Variants in CCDC57 observed in about 807,000 individuals in gnomAD.
The protein encoded by CCDC57 is coiled-coil domain-containing protein 57.
In CCDC57, 118 loss-of-function variants were observed where a neutral mutation model predicts 118.9. The observed-to-expected ratio is 0.99, with a 90% CI of 0.86 to 1.16. The LOEUF is 1.16. Ranked by LOEUF, CCDC57 falls within the 50% of genes most tolerant of loss-of-function variation. CCDC57 has a pLI of 0.00. For missense variants in CCDC57, 1,300 were observed against 1,320.7 expected, an observed-to-expected ratio of 0.98 and a Z score of 0.24; for synonymous variants, 527 against 532.9, an observed-to-expected ratio of 0.99 and a Z score of 0.15.
chr17:82,140,794 C>T (rs770488827), intron 16 of CCDC57, among the ~76,000 whole-genome samples: 2 of 152,050 alleles, frequency 1.3e-5, no homozygotes, highest in Non-Finnish European at 2.9e-5. Context: ...AAGGAGAACC[C>T]GGCACAGCGC....
At chr17:82,114,889 C>A (rs1568150190) in intron 19 of CCDC57, among the ~76,000 whole-genome samples, 1 of 152,248 alleles carries the variant, frequency 6.6e-6, no homozygotes, top group African/African-American at 2.4e-5. Context: ...AACAGGATTT[C>A]CAGCCTCTCT....
chr17:82,155,925 C>T (rs1489130539), intron 15 of CCDC57: 1 of 152,230 alleles, frequency 6.6e-6, no homozygotes, highest in Non-Finnish European at 1.5e-5. Flanking sequence ...TATGCCCCGC[C>T]TGTGCCTTAG....
chr17:82,143,472 ACACACACACAGG>A (rs76112596), intron 16 of CCDC57, among the ~76,000 whole-genome samples: 6 of 44,858 alleles, frequency 1.3e-4, no homozygotes, highest in Admixed American at 3.4e-4. Flanking sequence ...GGGTGCTCTT[ACACACACACAGG>A]CACACACACA....
At chr17:82,125,276 G>A (rs556123544) in intron 19 of CCDC57, among the ~76,000 whole-genome samples, 62 of 152,196 alleles carry the variant, frequency 4.1e-4, no homozygotes, top group East Asian at 2.7e-3. Flanking sequence ...GGTGACTCAC[G>A]CCTGCAGTCT....
rs960561349 is a variant in CCDC57 at position 82,109,304 on chromosome 17, A to G, written c.2900-7438T>C. Among the ~76,000 whole-genome samples the G allele has an allele frequency of 4.6e-5, 7 of 152,370 alleles. No individual in the cohort carries two copies. In the South Asian group the frequency reaches 1.0e-3, roughly 23 times the overall value. On this transcript the variant is annotated intron_variant, in intron 19 of 19. Transcript: ENST00000665763. ...TGGAGCGCATGCCTGCGAGGGGCCT[A>G]CGAGGCGGCTGCGAGGCATAAGGTT... is the stretch of plus-strand genomic sequence containing the variant.
chr17:82,157,735 A>G lies in CCDC57; in HGVS notation c.2241+13T>C. The G allele has an allele frequency of 1.9e-6, 3 of 1,572,418 alleles. No homozygotes were observed. The highest frequency in any genetic ancestry group is 2.6e-6 in the Non-Finnish European group (3 of 1,161,750). Reference sequence around the variant, plus strand: ...ACCTCGGCGGGTGGCAGGAGGAGCTAGCGGGCACCCACCTCTCTCCCAAGG... The same window carrying G: ...ACCTCGGCGGGTGGCAGGAGGAGCTGGCGGGCACCCACCTCTCTCCCAAGG... On this transcript the variant is annotated intron_variant, in intron 15 of 19. Coordinates refer to ENST00000665763, the Ensembl canonical transcript of CCDC57.
Position 82,117,946 on chromosome 17 carries a change from C to T in CCDC57, c.2899+9746G>A, listed in dbSNP as rs545749177. ...AGCCTCTGTGAGCACGCAGGGCACACGCACAGGAGGTTCACTCTCTTAAGA... is the reference window on the plus strand; with the variant it reads ...AGCCTCTGTGAGCACGCAGGGCACATGCACAGGAGGTTCACTCTCTTAAGA... On this transcript the variant is annotated intron_variant, in intron 19 of 19. Transcript: ENST00000665763. Among the ~76,000 whole-genome samples, 33 of 152,262 alleles carry T rather than the reference C, an allele frequency of 2.2e-4. No homozygotes were observed. In the South Asian group the frequency reaches 6.6e-3, roughly 31 times the overall value.
intron 9 of CCDC57, among the ~76,000 whole-genome samples, 181 bp from the exon 9 acceptor site, chr17:82,179,370 C>G (rs368085039): frequency 6.6e-6 from 1 of 152,206 alleles, no homozygotes; most frequent in Non-Finnish European, 1.5e-5. Context: ...AATACAAAGA[C>G]GAGCAGGCGC....
rs1290089710 is a variant in CCDC57, at chr17:82,118,370, G to A, written c.2899+9322C>T. Reference sequence around the variant, plus strand: ...CCCGATGTGGGTGTTATCCATTAGCGCAGGACTGAAACCTGATGTGTTATT... The same window carrying A: ...CCCGATGTGGGTGTTATCCATTAGCACAGGACTGAAACCTGATGTGTTATT... On this transcript the variant is annotated intron_variant, in intron 19 of 19. Coordinates refer to ENST00000665763, the Ensembl canonical transcript of CCDC57. This position sits in a 1 kb window ranked among gnomAD's most constrained non-coding sequence, Gnocchi z 4.7. 2.6e-5 allele frequency among the ~76,000 whole-genome samples: 4 copies of A among 152,140 alleles called. No individual in the cohort carries two copies. The highest frequency in any genetic ancestry group is 3.8e-4 in the East Asian group (2 of 5,196).
At chr17:82,185,987 A>G (rs2046877274) in intron 8 of CCDC57, among the ~76,000 whole-genome samples, 1 of 152,130 alleles carries the variant, frequency 6.6e-6, no homozygotes, top group Admixed American at 6.5e-5. Flanking sequence ...ATAGGTGAGC[A>G]CCACCGTACC....
intron 8 of CCDC57, among the ~76,000 whole-genome samples, chr17:82,187,992 A>G (rs1159550603): frequency 2.6e-5 from 4 of 151,942 alleles, no homozygotes; most frequent in African/African-American, 4.8e-5. Context: ...ATATCTTACT[A>G]TAAATAGATG....
intron 13 of CCDC57, among the ~76,000 whole-genome samples, chr17:82,169,976 C>T (rs1489218310): frequency 6.6e-6 from 1 of 152,016 alleles, no homozygotes; most frequent in African/African-American, 2.4e-5. Context: ...GCATAAAATA[C>T]CCTAAAAAAA....
chr17:82,121,791 A>G (rs1255612870), intron 19 of CCDC57, among the ~76,000 whole-genome samples: 1 of 152,170 alleles, frequency 6.6e-6, no homozygotes, highest in Non-Finnish European at 1.5e-5. Flanking sequence ...TGGACCCCTC[A>G]GTTCTCTCCT....
intron 19 of CCDC57, among the ~76,000 whole-genome samples, chr17:82,119,407 G>A (rs1472250304): frequency 4.0e-5 from 6 of 151,850 alleles, no homozygotes; most frequent in Non-Finnish European, 7.4e-5. Context: ...CAGGAATCAA[G>A]GATCATGCCC....
chr17:82,113,743 G>T, intron 19 of CCDC57: 1 of 698,098 alleles, frequency 1.4e-6, no homozygotes, highest in South Asian at 1.5e-5. Flanking sequence ...GACCAGCCTG[G>T]GTGACATAGT....
intron 3 of CCDC57, 65 bp downstream of exon 2, chr17:82,201,473 A>G: frequency 6.8e-7 from 1 of 1,473,214 alleles, no homozygotes; most frequent in Non-Finnish European, 9.0e-7. Flanking sequence ...AGCACAGCGG[A>G]GCAGGAGGCA....
chr17:82,188,181 T>C (rs1381212433), intron 8 of CCDC57, 38 bp downstream of exon 7: 10 of 1,508,442 alleles, frequency 6.6e-6, no homozygotes, highest in African/African-American at 1.4e-5. Context: ...CGGCCGTCCC[T>C]GCCCTCACCC....
chr17:82,194,010 GGA>G lies in CCDC57; in HGVS notation c.746_747del (p.Leu249ProfsTer17), dbSNP rs753478640. The stretch of plus-strand genomic sequence containing the variant: ...GCGCGGCTCATGGCCTCCAGGTCCT[GGA>G]GCTCCCCGGCTCGGCTCTGGAGCTT... On this transcript the variant is annotated frameshift_variant, in exon 6 of 20. Coordinates refer to ENST00000665763, the Ensembl canonical transcript of CCDC57. LOFTEE classifies it high-confidence loss of function. 3.7e-6 allele frequency: 6 copies of G among 1,612,430 alleles called. No homozygotes were observed. In the East Asian group the frequency reaches 1.3e-4, roughly 36 times the overall value.
At chr17:82,211,726 G>T (rs1447941923) in intron 1 of CCDC57, among the ~76,000 whole-genome samples, 1 of 151,974 alleles carries the variant, frequency 6.6e-6, no homozygotes, top group African/African-American at 2.4e-5. Flanking sequence ...TTCTTCGCTT[G>T]CAGCCCCTTG....
Sources: allele counts gnomAD v4.1 joint callset (sites outside exome capture counted in the v4.1 genomes callset), GRCh38; gene constraint gnomAD v4.1.1; non-coding constraint Gnocchi (gnomAD v3.1); transcripts MANE v1.5; gene names NCBI Gene and HGNC (gene_info 2026-07-23, HGNC 2026-07-21).